SCLT1: variants seen among roughly 807,000 people sequenced by gnomAD.
SCLT1 encodes sodium channel and clathrin linker 1, also known as sodium channel-associated protein 1.
SCLT1 carries 78 observed loss-of-function variants against 112.8 expected under a neutral mutation model. The ratio of observed to expected loss-of-function variants is 0.69; its 90% CI spans 0.58 to 0.83. SCLT1 has a LOEUF of 0.83. SCLT1 is among the 40% of genes least tolerant of loss of function. The pLI is 0.00. For synonymous variants in SCLT1, 257 were observed against 254.7 expected, an observed-to-expected ratio of 1.01 and a Z score of -0.09; for missense variants, 747 against 770.4, an observed-to-expected ratio of 0.97 and a Z score of 0.36.
At chr4:128,973,692 G>A (rs1579560376) in intron 9 of SCLT1, among the ~76,000 whole-genome samples, 1 of 151,690 alleles carries the variant, frequency 6.6e-6, no homozygotes, top group Non-Finnish European at 1.5e-5. Flanking sequence ...GAAATCTCCT[G>A]CTACATAAGT....
chr4:129,018,224 G>A (rs1745155535), intron 5 of SCLT1, among the ~76,000 whole-genome samples: 1 of 152,176 alleles, frequency 6.6e-6, no homozygotes, highest in African/African-American at 2.4e-5. Flanking sequence ...ATCATTAGCA[G>A]AACCAAACCC....
At chr4:128,939,746 T>A (rs952232284) in intron 17 of SCLT1, among the ~76,000 whole-genome samples, 1 of 152,164 alleles carries the variant, frequency 6.6e-6, no homozygotes, top group South Asian at 2.1e-4. Context: ...AAATGAAAAC[T>A]TCATATGATA....
chr4:128,883,157 C>CAAAAAAAAAAAAA (rs34993678), downstream of SCLT1, among the ~76,000 whole-genome samples: 201 of 57,536 alleles, frequency 3.5e-3, no homozygotes, highest in Middle Eastern at 0.011. Flanking sequence ...ACAACAACAA[C>CAAAAAAAAAAAAA]AAAAAAAAAA....
intron 18 of SCLT1, among the ~76,000 whole-genome samples, chr4:128,905,660 C>A (rs1734637065): frequency 1.3e-5 from 2 of 152,188 alleles, no homozygotes; most frequent in African/African-American, 4.8e-5. Flanking sequence ...TCCCCTCACT[C>A]ACTATACTCA....
chr4:128,980,424 T>C (rs2126050122), intron 9 of SCLT1, among the ~76,000 whole-genome samples: 1 of 152,232 alleles, frequency 6.6e-6, no homozygotes, highest in South Asian at 2.1e-4. Context: ...ATGAACACAA[T>C]GAACATATAC....
chr4:129,075,306 C>T (rs1751367604), intron 2 of SCLT1, among the ~76,000 whole-genome samples: 1 of 152,140 alleles, frequency 6.6e-6, no homozygotes, highest in South Asian at 2.1e-4. Flanking sequence ...TTTTAAAGGA[C>T]TGCAGGAAAT....
At chr4:129,086,038 C>T (rs1266140868) in intron 1 of SCLT1, among the ~76,000 whole-genome samples, 1 of 151,854 alleles carries the variant, frequency 6.6e-6, no homozygotes. Flanking sequence ...AAACTTAAAA[C>T]AAAAAATTAA....
intron 4 of SCLT1, among the ~76,000 whole-genome samples, chr4:129,043,120 C>T (rs1480815083): frequency 6.6e-6 from 1 of 151,964 alleles, no homozygotes; most frequent in Admixed American, 6.6e-5. Context: ...CTACGTTACC[C>T]AGGCTGGTCT....
At chr4:128,905,111 G>A (rs556783583) in intron 18 of SCLT1, among the ~76,000 whole-genome samples, 1 of 152,038 alleles carries the variant, frequency 6.6e-6, no homozygotes, top group Non-Finnish European at 1.5e-5. Context: ...AAACTAATAA[G>A]CATCTCAAAT....
chr4:128,973,575 A>G (rs1333609869), intron 9 of SCLT1, among the ~76,000 whole-genome samples: 1 of 152,138 alleles, frequency 6.6e-6, no homozygotes, highest in Admixed American at 6.5e-5. Flanking sequence ...TTGATATTTT[A>G]CCTAGATCTT....
rs983356577 is a variant in SCLT1 at position 128,943,208 on chromosome 4, A to C, written c.1440-20T>G. 2 of 1,534,650 alleles carry C rather than the reference A, an allele frequency of 1.3e-6. No homozygotes were observed. Among genetic ancestry groups the C allele is most frequent in the East Asian group, 2.3e-5 (1 of 44,284 alleles). On this transcript the variant is annotated intron_variant, in intron 16 of 20. Coordinates refer to ENST00000281142, the MANE Select transcript of SCLT1 (RefSeq NM_144643.4). Reference sequence around the variant, plus strand: ...GAGGAGCTGATTAAAAAACGAAATGAAAAGAATCCTTAAACTTAATGATCT... The same window carrying C: ...GAGGAGCTGATTAAAAAACGAAATGCAAAGAATCCTTAAACTTAATGATCT...
At chr4:129,003,033 C>T (rs1044582469) in intron 6 of SCLT1, among the ~76,000 whole-genome samples, 3 of 152,046 alleles carry the variant, frequency 2.0e-5, no homozygotes, top group African/African-American at 7.2e-5. Flanking sequence ...TGGAACCAAC[C>T]CAAATGTCCA....
intron 5 of SCLT1, among the ~76,000 whole-genome samples, chr4:129,018,544 A>G (rs1056696321): frequency 2.6e-5 from 4 of 152,176 alleles, no homozygotes; most frequent in African/African-American, 9.6e-5. Flanking sequence ...TTGAAAGGAG[A>G]TCAAAATGAT....
rs142631430 is a variant in SCLT1 at position 128,969,558 on chromosome 4, C to T, written c.777+820G>A. Among the ~76,000 whole-genome samples the T allele has an allele frequency of 1.9e-3, 288 of 151,902 alleles. 2 individuals carry two copies. Among genetic ancestry groups the T allele is most frequent in the East Asian group, 0.014 (73 of 5,180 alleles). Reference sequence around the variant, plus strand: ...CTGCACTCCAGCCTGGGTGACACAGCGAGACTCTGACTCAAAAATAAAATA... The same window carrying T: ...CTGCACTCCAGCCTGGGTGACACAGTGAGACTCTGACTCAAAAATAAAATA... On this transcript the variant is annotated intron_variant, in intron 10 of 20. Transcript: ENST00000281142.
At chr4:129,052,967 G>A (rs1413789103) in intron 2 of SCLT1, among the ~76,000 whole-genome samples, 1 of 152,090 alleles carries the variant, frequency 6.6e-6, no homozygotes, top group African/African-American at 2.4e-5. Context: ...CTTTATTTCT[G>A]CCTTCATTTC....
chr4:128,935,503 T>A (rs1367898540), intron 18 of SCLT1, among the ~76,000 whole-genome samples: 2 of 152,216 alleles, frequency 1.3e-5, no homozygotes, highest in East Asian at 3.9e-4. Context: ...TATGTGATCT[T>A]ATACAAGTTC....
intron 18 of SCLT1, among the ~76,000 whole-genome samples, chr4:128,891,811 A>AT (rs1733349369): frequency 6.6e-6 from 1 of 151,812 alleles, no homozygotes; most frequent in Non-Finnish European, 1.5e-5. Flanking sequence ...CGCCTGGATA[A>AT]TTTTTTGTAT....
rs190048341 is a variant in SCLT1, at chr4:129,043,083, A to C, written c.234+312T>G. On this transcript the variant is annotated intron_variant, in intron 4 of 20. Transcript: ENST00000281142. ...TGAGATTCCATCTCAAAAAAAAGAA[A>C]AGAAAAAAAAAAGAGATGGGGTCTC... 1.6e-3 allele frequency among the ~76,000 whole-genome samples: 246 copies of C among 152,048 alleles called. 2 individuals carry two copies. Among genetic ancestry groups the C allele is most frequent in the East Asian group, 0.013 (69 of 5,144 alleles).
intron 2 of SCLT1, among the ~76,000 whole-genome samples, chr4:129,054,743 A>G: frequency 6.6e-6 from 1 of 152,078 alleles, no homozygotes; most frequent in East Asian, 1.9e-4. Context: ...TCTGAAGCCT[A>G]CTTCTGTCAA....
Sources: allele counts gnomAD v4.1 joint callset (sites outside exome capture counted in the v4.1 genomes callset), GRCh38; gene constraint gnomAD v4.1.1; transcripts MANE v1.5; gene names NCBI Gene and HGNC (gene_info 2026-07-23, HGNC 2026-07-21).